Variants in NEGR1 observed in about 807,000 individuals in gnomAD.
The protein encoded by NEGR1 is neuronal growth regulator 1.
NEGR1 carries 10 observed loss-of-function variants against 40.9 expected under a neutral mutation model. The observed-to-expected ratio is 0.24, with a 90% CI of 0.15 to 0.42. The LOEUF (loss-of-function observed/expected upper bound fraction) is 0.42, where lower values mean the gene tolerates loss of function less well. NEGR1 is among the 10% of genes least tolerant of loss of function. The pLI is 1.00. For missense variants in NEGR1, 352 were observed against 438.9 expected (o/e 0.80, Z 1.77); for synonymous variants, 185 against 166.8 (o/e 1.11, Z -0.84).
At chr1:71,786,987 C>T (rs1271512157) in intron 2 of NEGR1, among the ~76,000 whole-genome samples, 1 of 152,180 alleles carries the variant, frequency 6.6e-6, no homozygotes, top group Non-Finnish European at 1.5e-5. Flanking sequence ...TGTGGAGGCA[C>T]CACATGCGGT....
chr1:72,079,717 T>C (rs1317449428), intron 1 of NEGR1, among the ~76,000 whole-genome samples: 3 of 152,110 alleles, frequency 2.0e-5, no homozygotes, highest in South Asian at 4.1e-4. Flanking sequence ...AGACCAAATA[T>C]ACCTCCACAA....
At chr1:72,126,703 A>T (rs1342020828) in intron 1 of NEGR1, among the ~76,000 whole-genome samples, 3 of 152,166 alleles carry the variant, frequency 2.0e-5, no homozygotes. Flanking sequence ...ATTTTCATAA[A>T]GACTGACAGT....
intron 1 of NEGR1, among the ~76,000 whole-genome samples, chr1:72,120,074 T>C (rs1649739744): frequency 6.6e-6 from 1 of 152,044 alleles, no homozygotes; most frequent in South Asian, 2.1e-4. Context: ...TTTAATCAAG[T>C]AATCCTTTAG....
intron 6 of NEGR1, among the ~76,000 whole-genome samples, chr1:71,536,745 GAC>G (rs1647527326): frequency 6.6e-6 from 1 of 151,578 alleles, no homozygotes; most frequent in African/African-American, 2.4e-5. Flanking sequence ...TTTTGTGAAG[GAC>G]AAATGCACTC....
chr1:71,970,623 G>A (rs1489865483), intron 1 of NEGR1, among the ~76,000 whole-genome samples: 1 of 151,984 alleles, frequency 6.6e-6, no homozygotes, highest in Non-Finnish European at 1.5e-5. Context: ...TGAACCTGGA[G>A]GTTTCAGTGA....
intron 2 of NEGR1, among the ~76,000 whole-genome samples, chr1:71,813,056 C>A (rs533431999): frequency 5.3e-5 from 8 of 152,066 alleles, no homozygotes; most frequent in African/African-American, 1.9e-4. Flanking sequence ...AGGATTTTTA[C>A]AAATTTGGAT....
intron 2 of NEGR1, among the ~76,000 whole-genome samples, chr1:71,815,236 T>A (rs1461765341): frequency 1.3e-5 from 2 of 152,136 alleles, no homozygotes; most frequent in African/African-American, 4.8e-5. Context: ...TTCTTAATCC[T>A]GAGTTCTAAT....
intron 2 of NEGR1, among the ~76,000 whole-genome samples, chr1:71,795,327 A>C (rs1159564333): frequency 1.3e-5 from 2 of 152,072 alleles, no homozygotes; most frequent in Non-Finnish European, 2.9e-5. Context: ...AAAAAGCTGC[A>C]ACTTAACAAG....
intron 5 of NEGR1, among the ~76,000 whole-genome samples, chr1:71,599,061 T>C (rs1557582203): frequency 6.6e-6 from 1 of 152,196 alleles, no homozygotes; most frequent in Non-Finnish European, 1.5e-5. Context: ...ATTATGTTTT[T>C]ATATTTTTGT....
chr1:72,151,291 A>G (rs1054575380), intron 1 of NEGR1, among the ~76,000 whole-genome samples: 2 of 151,140 alleles, frequency 1.3e-5, no homozygotes. Flanking sequence ...AAATTATTAA[A>G]TATACTTATT....
intron 6 of NEGR1, among the ~76,000 whole-genome samples, chr1:71,505,925 C>T (rs1647031163): frequency 6.6e-6 from 1 of 151,956 alleles, no homozygotes; most frequent in African/African-American, 2.4e-5. Context: ...ACTTAATTTC[C>T]TAGGAGAAAG....
rs1248602875 is a variant in NEGR1 at position 71,566,282 on chromosome 1, T to C, written c.940+26535A>G. Among the ~76,000 whole-genome samples the C allele has an allele frequency of 2.6e-5, 4 of 152,178 alleles. No individual in the cohort carries two copies. The East Asian group carries it at 5.8e-4, about 22-fold the overall frequency. ...ATACTTTTAAAAGTATCCTAATTTT[T>C]AATGTATTTAGTCATGAGAAAAATA... On this transcript the variant is annotated intron_variant, in intron 6 of 6. Transcript: ENST00000357731.
At chr1:71,452,137 C>T (rs1646633825) in intron 6 of NEGR1, among the ~76,000 whole-genome samples, 1 of 152,194 alleles carries the variant, frequency 6.6e-6, no homozygotes, top group African/African-American at 2.4e-5. Flanking sequence ...AACACACATA[C>T]ACACACTCAC....
In NEGR1 at chr1:72,050,536, T is replaced by C. The variant is rs369179319; in HGVS notation, c.177-115225A>G. On this transcript the variant is annotated intron_variant, in intron 1 of 6. Transcript: ENST00000357731. ...TTGTCTACTTCAATTCTAACTAATATGCAAAAGGTAATCATTATTTTTTAT... is the reference window on the plus strand; with the variant it reads ...TTGTCTACTTCAATTCTAACTAATACGCAAAAGGTAATCATTATTTTTTAT... Among the ~76,000 whole-genome samples the C allele has an allele frequency of 7.6e-4, 116 of 151,678 alleles. 3 individuals are homozygous for C. In the South Asian group the frequency reaches 0.022, roughly 29 times the overall value.
At chr1:71,591,636 T>C (rs1199697527) in intron 6 of NEGR1, among the ~76,000 whole-genome samples, 2 of 152,110 alleles carry the variant, frequency 1.3e-5, no homozygotes, top group African/African-American at 4.8e-5. Flanking sequence ...ATCATCCTCA[T>C]GGAAGGAACT....
intron 4 of NEGR1, among the ~76,000 whole-genome samples, chr1:71,684,371 A>C (rs1455921749): frequency 6.6e-6 from 1 of 152,158 alleles, no homozygotes; most frequent in Non-Finnish European, 1.5e-5. Context: ...GAGGGTTTTT[A>C]ATTAAAACTT....
rs992458274 is a variant in NEGR1, at chr1:71,675,124, T to TACAC, written c.667+22883_667+22884insGTGT. On this transcript the variant is annotated intron_variant, in intron 4 of 6. Coordinates refer to ENST00000357731, the MANE Select transcript of NEGR1 (RefSeq NM_173808.3). ...ATGCATGTTTATTCATATATATATA[T>TACAC]ATACACACACACATATGAATTCTTA... 4.6e-4 allele frequency among the ~76,000 whole-genome samples: 27 copies of TACAC among 59,084 alleles called. 3 individuals are homozygous for TACAC. In the East Asian group the frequency reaches 0.011, roughly 23 times the overall value. 38.8% of individuals were successfully genotyped at this position (59,084 alleles called of 152,430 possible). A position where few individuals can be genotyped will look rare whatever the true frequency, so the allele number is the denominator to read the frequency against.
At chr1:71,746,857 T>C (rs551819481) in intron 3 of NEGR1, among the ~76,000 whole-genome samples, 148 of 152,310 alleles carry the variant, frequency 9.7e-4, no homozygotes, top group African/African-American at 3.4e-3. Flanking sequence ...TCCCTTTTAA[T>C]TGCATGGCAA....
At chr1:71,903,135 T>C (rs1301853447) in intron 2 of NEGR1, among the ~76,000 whole-genome samples, 1 of 151,952 alleles carries the variant, frequency 6.6e-6, no homozygotes, top group Non-Finnish European at 1.5e-5. Context: ...AGATCCTAAT[T>C]AAAATCACAA....
Sources: gnomAD v4.1 joint callset for allele counts (sites outside exome capture counted in the v4.1 genomes callset) on GRCh38, gnomAD v4.1.1 for gene constraint, MANE v1.5 for transcripts, NCBI Gene and HGNC (gene_info 2026-07-23, HGNC 2026-07-21) for gene names.